The following ROBO2 variants were observed in gnomAD, a reference collection of about 807,000 sequenced individuals.
The protein encoded by ROBO2 is roundabout homolog 2.
ROBO2 carries 53 observed loss-of-function variants against 160.8 expected under a neutral mutation model. That is an observed-to-expected ratio of 0.33 (90% CI 0.26 to 0.41). The LOEUF (loss-of-function observed/expected upper bound fraction) is 0.41, where lower values mean the gene tolerates loss of function less well. Ranked by LOEUF, ROBO2 falls within the 10% of genes least tolerant of loss-of-function variation. The pLI is 1.00. For synonymous variants in ROBO2, 664 were observed against 611.7 expected, an observed-to-expected ratio of 1.09 and a Z score of -1.26; for missense variants, 1,577 against 1,722.4, an observed-to-expected ratio of 0.92 and a Z score of 1.49.
intron 2 of ROBO2, among the ~76,000 whole-genome samples, chr3:77,276,148 C>G (rs1249594989): frequency 6.6e-6 from 1 of 151,590 alleles, no homozygotes; most frequent in African/African-American, 2.4e-5. Context: ...TTCACATTTT[C>G]ATTGTATCCA....
chr3:76,091,995 T>C (rs2069255404), intron 2 of ROBO2, among the ~76,000 whole-genome samples: 1 of 19,354 alleles, frequency 5.2e-5, no homozygotes, highest in Admixed American at 3.8e-4. Context: ...GATACACTAG[T>C]GGTGAATATA....
chr3:76,642,604 G>T (rs938634450), intron 2 of ROBO2, among the ~76,000 whole-genome samples: 5 of 151,672 alleles, frequency 3.3e-5, no homozygotes, highest in Non-Finnish European at 7.4e-5. Flanking sequence ...TGCCCGCCTC[G>T]GCCTCCCAAA....
At chr3:76,939,745 C>G (rs2078030034) in intron 2 of ROBO2, among the ~76,000 whole-genome samples, 1 of 152,050 alleles carries the variant, frequency 6.6e-6, no homozygotes, top group East Asian at 1.9e-4. Context: ...GATTTTGCTG[C>G]TGCACTCAAG....
chr3:75,913,711 C>T lies in ROBO2; in HGVS notation c.-14+6751C>T, dbSNP rs117573675. ...TACTTAGGTTTAAATTAACATAGAA[C>T]GTTATCTTCCATATTGCTTATTTGT... On this transcript the variant is annotated intron_variant, in intron 1 of 26. Coordinates refer to the ROBO2 transcript ENST00000487694. Among the ~76,000 whole-genome samples, 38 of 152,252 alleles carry T rather than the reference C, an allele frequency of 2.5e-4. No individual in the cohort carries two copies. In the East Asian group the frequency reaches 6.2e-3, roughly 25 times the overall value.
chr3:76,983,342 A>G (rs557398381), intron 2 of ROBO2, among the ~76,000 whole-genome samples: 148 of 152,196 alleles, frequency 9.7e-4, no homozygotes, highest in Non-Finnish European at 1.6e-3. Flanking sequence ...AATAAGCACT[A>G]CTAGTTCAAC....
At chr3:76,182,268 C>T (rs1345292669) in intron 2 of ROBO2, among the ~76,000 whole-genome samples, 1 of 152,038 alleles carries the variant, frequency 6.6e-6, no homozygotes, top group African/African-American at 2.4e-5. Flanking sequence ...ACAACCTGTC[C>T]CTTAGGATTC....
At chr3:76,401,244 C>T (rs1451742469) in intron 2 of ROBO2, among the ~76,000 whole-genome samples, 1 of 151,330 alleles carries the variant, frequency 6.6e-6, no homozygotes, top group Non-Finnish European at 1.5e-5. Context: ...TTTTGAAACA[C>T]CAAGATTTGG....
At chr3:75,987,661 C>T (rs180781205) in intron 2 of ROBO2, among the ~76,000 whole-genome samples, 1 of 152,046 alleles carries the variant, frequency 6.6e-6, no homozygotes, top group African/African-American at 2.4e-5. Context: ...AGTCTTTTAA[C>T]AGTGAGTGTG....
Position 76,677,957 on chromosome 3 carries a change from GCT to G in ROBO2, c.110-420056_110-420055del, listed in dbSNP as rs2092453797. Among the ~76,000 whole-genome samples, 2 of 46,086 alleles carry G rather than the reference GCT, an allele frequency of 4.3e-5. 1 individual carries two copies. The highest frequency in any genetic ancestry group is 1.4e-3 in the South Asian group (2 of 1,472). The allele number at this position is 46,086 out of a possible 152,430, so 30.2% of individuals were successfully genotyped here. A position where few individuals can be genotyped will look rare whatever the true frequency, so the allele number is the denominator to read the frequency against. Reference sequence around the variant, plus strand: ...TTTCTCTCACAGAGAAAGAAAATATGCTTTTTTTTTTTTTTTTTTTTTTTTTT... The same window carrying G: ...TTTCTCTCACAGAGAAAGAAAATATGTTTTTTTTTTTTTTTTTTTTTTTTT... On this transcript the variant is annotated intron_variant, in intron 2 of 26. Coordinates refer to the ROBO2 transcript ENST00000487694.
intron 5 of ROBO2, among the ~76,000 whole-genome samples, chr3:77,502,458 A>G (rs1260422335): frequency 6.6e-6 from 1 of 152,160 alleles, no homozygotes; most frequent in Non-Finnish European, 1.5e-5. Flanking sequence ...AAAATTTAAA[A>G]CAAATCTATT....
intron 1 of ROBO2, among the ~76,000 whole-genome samples, chr3:75,933,988 C>A (rs1947658513): frequency 6.6e-6 from 1 of 152,158 alleles, no homozygotes. Flanking sequence ...GGTTGTGGAG[C>A]CTCCAGACTC....
At chr3:76,876,885 A>G (rs2072791164) in intron 2 of ROBO2, among the ~76,000 whole-genome samples, 1 of 152,160 alleles carries the variant, frequency 6.6e-6, no homozygotes, top group African/African-American at 2.4e-5. Flanking sequence ...ATTAAGAACT[A>G]TTGCTCTGCC....
At chr3:76,638,457 T>A (rs1050092195) in intron 2 of ROBO2, among the ~76,000 whole-genome samples, 12 of 152,308 alleles carry the variant, frequency 7.9e-5, no homozygotes, top group East Asian at 1.9e-4. Context: ...AGGCTTTTTT[T>A]AAAATTGTTA....
chr3:76,910,127 A>T (rs763752044), intron 2 of ROBO2, among the ~76,000 whole-genome samples: 1 of 152,278 alleles, frequency 6.6e-6, no homozygotes, highest in East Asian at 1.9e-4. Context: ...TTGGTACAAG[A>T]TGTCCTCATT....
intron 2 of ROBO2, among the ~76,000 whole-genome samples, chr3:76,518,895 C>T (rs1327705458): frequency 6.6e-6 from 1 of 152,132 alleles, no homozygotes; most frequent in African/African-American, 2.4e-5. Flanking sequence ...TTATCCTTCT[C>T]TCAAAAACCT....
rs1398181345 is a variant in ROBO2, at chr3:77,414,724, C to T, written c.389-62690C>T. The stretch of plus-strand genomic sequence containing the variant: ...ATATTTGGTCTTTGTAGTGTGCAGT[C>T]CATGATGCATTCATTATTTCACATT... On this transcript the variant is annotated intron_variant, in intron 2 of 25. Coordinates refer to ENST00000461745, the Ensembl canonical transcript of ROBO2. 3.3e-5 allele frequency among the ~76,000 whole-genome samples: 5 copies of T among 152,188 alleles called. No individual in the cohort carries two copies. In the South Asian group the frequency reaches 1.0e-3, roughly 32 times the overall value.
At chr3:76,437,169 A>G (rs2076718635) in intron 2 of ROBO2, among the ~76,000 whole-genome samples, 1 of 152,100 alleles carries the variant, frequency 6.6e-6, no homozygotes, top group Non-Finnish European at 1.5e-5. Flanking sequence ...ACTTTAATTA[A>G]CACCAAAATT....
intron 2 of ROBO2, among the ~76,000 whole-genome samples, chr3:77,474,877 A>T (rs2083804570): frequency 6.6e-6 from 1 of 152,238 alleles, no homozygotes; most frequent in African/African-American, 2.4e-5. Flanking sequence ...GGGAACTGAT[A>T]GATATTATTT....
rs150178845 is a variant in ROBO2 at position 76,815,370 on chromosome 3, C to A, written c.110-282644C>A. ...TCCAATAAGCTGAGCTATTTTAAAC[C>A]TAATTGTGCACAACTATGTAAATGT... is the stretch of plus-strand genomic sequence containing the variant. On this transcript the variant is annotated intron_variant, in intron 2 of 26. Coordinates refer to the ROBO2 transcript ENST00000487694. Among the ~76,000 whole-genome samples, 56 of 151,438 alleles carry A rather than the reference C, an allele frequency of 3.7e-4. No individual in the cohort carries two copies. The East Asian group carries it at 1.0e-2, about 27-fold the overall frequency.
Sources: allele counts gnomAD v4.1 joint callset (sites outside exome capture counted in the v4.1 genomes callset), GRCh38; gene constraint gnomAD v4.1.1; transcripts MANE v1.5; gene names NCBI Gene and HGNC (gene_info 2026-07-23, HGNC 2026-07-21).